GABPB2: variants seen among roughly 807,000 people sequenced by gnomAD.
GABPB2 encodes the protein GA-binding protein subunit beta-2.
In GABPB2, 23 loss-of-function variants were observed where a neutral mutation model predicts 39.1. The observed-to-expected ratio is 0.59, with a 90% CI of 0.42 to 0.83. The LOEUF (loss-of-function observed/expected upper bound fraction) is 0.83, where lower values mean the gene tolerates loss of function less well. GABPB2 is among the 40% of genes least tolerant of loss of function. The pLI, the probability that GABPB2 is intolerant of heterozygous loss-of-function variation, is 0.00. For missense variants in GABPB2, 467 were observed against 541.1 expected, an observed-to-expected ratio of 0.86 and a Z score of 1.36; for synonymous variants, 184 against 199.3, an observed-to-expected ratio of 0.92 and a Z score of 0.65.
intron 7 of GABPB2, among the ~76,000 whole-genome samples, chr1:151,110,005 ATTT>A (rs71577269): frequency 1.9e-3 from 115 of 60,602 alleles, no homozygotes; most frequent in African/African-American, 4.1e-3. Context: ...TGCCCAGCTA[ATTT>A]TTTTTTTTTT....
rs777080160 is a variant in GABPB2 at position 151,097,960 on chromosome 1, C to T, written c.580C>T (p.Leu194Phe). ...CTTCACGTCGGGTGAGGTTGTTAACCTCGCAAGCCTTATTTCTTCAACCAA... is the reference window on the plus strand; with the variant it reads ...CTTCACGTCGGGTGAGGTTGTTAACTTCGCAAGCCTTATTTCTTCAACCAA... ...FIFTSGEVVN[L>F]ASLISSTNTK... The change falls in exon 5 of 9, where the codon CTC becomes TTC. Residue 194 changes from leucine (L) to phenylalanine (F), a missense_variant. By Grantham distance (22) the Leu-to-Phe change is conservative (BLOSUM62 0). Transcript: ENST00000368918. 5 of 1,614,028 alleles carry T rather than the reference C, an allele frequency of 3.1e-6. No individual in the cohort carries two copies. Among genetic ancestry groups the T allele is most frequent in the South Asian group, 1.1e-5 (1 of 91,080 alleles).
intron 2 of GABPB2, among the ~76,000 whole-genome samples, 173 bp from the exon 3 acceptor site, chr1:151,090,233 T>G (rs1311163879): frequency 6.6e-6 from 1 of 152,166 alleles, no homozygotes; most frequent in Non-Finnish European, 1.5e-5. Flanking sequence ...TGTGAGCCAG[T>G]GCACCTGGCC....
rs371177022 is a variant in GABPB2, at chr1:151,077,607, G to A, written c.-1+6673G>A. Among the ~76,000 whole-genome samples the A allele has an allele frequency of 1.1e-4, 17 of 151,530 alleles. No homozygotes were observed. In the East Asian group the frequency reaches 2.7e-3, roughly 24 times the overall value. ...CTTGACCTTGTGATCCGCCGCGCCC[G>A]GCCACTCATAGGTATTTGAGGGTAT... On this transcript the variant is annotated intron_variant, in intron 1 of 8. Coordinates refer to ENST00000368918, the MANE Select transcript of GABPB2 (RefSeq NM_144618.3).
Position 151,122,572 on chromosome 1 carries a change from A to C in GABPB2, c.*4316A>C, listed in dbSNP as rs900690634. 20 of 152,192 alleles carry C rather than the reference A, an allele frequency of 1.3e-4. No homozygotes were observed. The highest frequency in any genetic ancestry group is 4.6e-4 in the African/African-American group (19 of 41,504). 9.4% of individuals were successfully genotyped at this position (152,192 alleles called of 1,614,324 possible). A position where few individuals can be genotyped will look rare whatever the true frequency, so the allele number is the denominator to read the frequency against. ...CCCCCACACCTCGCCCATTAAGGGG[A>C]AGGAGGTTAACTCTGCAGATGATAT... On this transcript the variant is annotated 3_prime_UTR_variant, in exon 9 of 9. Coordinates refer to ENST00000368918, the MANE Select transcript of GABPB2 (RefSeq NM_144618.3).
intron 1 of GABPB2, among the ~76,000 whole-genome samples, chr1:151,073,789 G>A (rs1224743769): frequency 3.3e-5 from 5 of 151,604 alleles, no homozygotes; most frequent in South Asian, 2.1e-4. Flanking sequence ...GCATGGTGGC[G>A]TGCATCTGTA....
intron 5 of GABPB2, among the ~76,000 whole-genome samples, chr1:151,099,433 T>C (rs1217663910): frequency 6.6e-6 from 1 of 152,108 alleles, no homozygotes; most frequent in Admixed American, 6.6e-5. Context: ...CCTGACCTCA[T>C]GATCTACCCG....
intron 6 of GABPB2, among the ~76,000 whole-genome samples, chr1:151,105,128 A>G (rs1332855617): frequency 1.3e-5 from 2 of 152,042 alleles, no homozygotes; most frequent in Non-Finnish European, 2.9e-5. Context: ...GCTGGTCTCA[A>G]ACTACTGACC....
In GABPB2 at chr1:151,123,082, T is replaced by G. The variant is rs1194224483; in HGVS notation, c.*4826T>G. ...ATCTTTCTGGATTAGTCATGGAAGTTGGGGAAATATTGCTTAGATCTTCTG... is the reference window on the plus strand; with the variant it reads ...ATCTTTCTGGATTAGTCATGGAAGTGGGGGAAATATTGCTTAGATCTTCTG... On this transcript the variant is annotated 3_prime_UTR_variant, in exon 9 of 9. Coordinates refer to ENST00000368918, the MANE Select transcript of GABPB2 (RefSeq NM_144618.3). The G allele has an allele frequency of 6.6e-6, 1 of 152,144 alleles. No homozygotes were observed. Among genetic ancestry groups the G allele is most frequent in the Non-Finnish European group, 1.5e-5 (1 of 68,034 alleles). The allele number at this position is 152,144 out of a possible 1,614,324, so 9.4% of individuals were successfully genotyped here.
At chr1:151,087,060 G>A (rs987037992) in intron 1 of GABPB2, among the ~76,000 whole-genome samples, 1 of 151,794 alleles carries the variant, frequency 6.6e-6, no homozygotes, top group South Asian at 2.1e-4. Flanking sequence ...TCACTATGTC[G>A]GCCAGGCTGG....
In GABPB2 at chr1:151,093,018, A is replaced by G. The variant is rs587761079; in HGVS notation, c.277-174A>G. 1.1e-4 allele frequency among the ~76,000 whole-genome samples: 17 copies of G among 152,262 alleles called. 1 individual carries two copies. In the South Asian group the frequency reaches 3.3e-3, roughly 30 times the overall value. ...AGAGGACCCACTCGTTGAAAGCATT[A>G]TGTCTGTCAGCATTTAGGAGAATTT... On this transcript the variant is annotated intron_variant, in intron 3 of 8. Transcript: ENST00000368918.
At chr1:151,084,441 G>A (rs1033006934) in intron 1 of GABPB2, among the ~76,000 whole-genome samples, 4 of 150,710 alleles carry the variant, frequency 2.7e-5, no homozygotes, top group African/African-American at 9.8e-5. Context: ...GGTCAGGCTG[G>A]TCTCAAACTC....
At chr1:151,083,653 A>AT (rs1278659052) in intron 1 of GABPB2, among the ~76,000 whole-genome samples, 2 of 148,000 alleles carry the variant, frequency 1.4e-5, no homozygotes, top group African/African-American at 5.2e-5. Flanking sequence ...AAAAAAAAAA[A>AT]ATTATATATA....
chr1:151,109,502 G>A (rs1284510719), intron 7 of GABPB2, among the ~76,000 whole-genome samples: 3 of 149,774 alleles, frequency 2.0e-5, no homozygotes, highest in Admixed American at 2.0e-4. Flanking sequence ...GGGATTACAG[G>A]TGTGTGCCAC....
intron 7 of GABPB2, among the ~76,000 whole-genome samples, chr1:151,115,706 A>G (rs1680813127): frequency 6.6e-6 from 1 of 151,886 alleles, no homozygotes; most frequent in African/African-American, 2.4e-5. Flanking sequence ...CCATCCTGCC[A>G]AACTATTTTC....
At position 151,123,410 on chromosome 1, in the gene GABPB2, G is replaced by T. The variant is rs1681249069; in HGVS notation, c.*5154G>T. ...GTGGAGTTTACAGTGAGCTGAGATT[G>T]TGCCACTGCACTCCAGCCTGGGCAA... is the stretch of plus-strand genomic sequence containing the variant. On this transcript the variant is annotated 3_prime_UTR_variant, in exon 9 of 9. Coordinates refer to ENST00000368918, the MANE Select transcript of GABPB2 (RefSeq NM_144618.3). The T allele has an allele frequency of 1.3e-5, 2 of 150,654 alleles. No individual in the cohort carries two copies. Among genetic ancestry groups the T allele is most frequent in the African/African-American group, 4.9e-5 (2 of 40,762 alleles). 9.3% of individuals were successfully genotyped at this position (150,654 alleles called of 1,614,324 possible).
intron 2 of GABPB2, 21 bp from the exon 3 acceptor site, chr1:151,090,385 A>G (rs751566310): frequency 6.8e-6 from 11 of 1,611,398 alleles, no homozygotes; most frequent in South Asian, 6.6e-5. Flanking sequence ...TGGATATTCA[A>G]TGAGCATTAT....
At chr1:151,082,615 T>C (rs587647696) in intron 1 of GABPB2, among the ~76,000 whole-genome samples, 2 of 151,258 alleles carry the variant, frequency 1.3e-5, no homozygotes, top group Non-Finnish European at 2.9e-5. Context: ...TTCACTGTGT[T>C]AACCAGGATG....
intron 1 of GABPB2, among the ~76,000 whole-genome samples, chr1:151,074,888 C>T (rs1298259903): frequency 6.6e-6 from 1 of 152,160 alleles, no homozygotes; most frequent in Admixed American, 6.6e-5. Flanking sequence ...CACAGTGGCT[C>T]ACACCACTTT....
intron 6 of GABPB2, among the ~76,000 whole-genome samples, 175 bp downstream of exon 6, chr1:151,103,850 T>G (rs867301577): frequency 6.6e-6 from 1 of 152,236 alleles, no homozygotes; most frequent in Non-Finnish European, 1.5e-5. Context: ...GGTGGTATAA[T>G]CAGACAGCTG....
Sources: allele counts gnomAD v4.1 joint callset (sites outside exome capture counted in the v4.1 genomes callset), GRCh38; gene constraint gnomAD v4.1.1; transcripts MANE v1.5; gene names NCBI Gene and HGNC (gene_info 2026-07-23, HGNC 2026-07-21).